The following AKAP6 variants were observed in gnomAD, a reference collection of about 807,000 sequenced individuals.
AKAP6 encodes A-kinase anchoring protein 6, also known as A-kinase anchor protein 6.
AKAP6 carries 58 observed loss-of-function variants against 188.5 expected under a neutral mutation model. That is an observed-to-expected ratio of 0.31 (90% CI 0.25 to 0.38). AKAP6 has a LOEUF of 0.38. AKAP6 is among the 10% of genes least tolerant of loss of function. The probability of loss-of-function intolerance (pLI) is 1.00; values close to 1 mark genes in which losing one functional copy is unlikely to be tolerated. For synonymous variants in AKAP6, 989 were observed against 998.6 expected, an observed-to-expected ratio of 0.99 and a Z score of 0.18; for missense variants, 2,710 against 2,740.0, an observed-to-expected ratio of 0.99 and a Z score of 0.24.
At chr14:32,349,580 C>T (rs927668025) in intron 1 of AKAP6, among the ~76,000 whole-genome samples, 5 of 152,136 alleles carry the variant, frequency 3.3e-5, no homozygotes, top group African/African-American at 1.2e-4. Context: ...CTGGAAATTC[C>T]AAATTTATTA....
In AKAP6 at chr14:32,599,480, T is replaced by G. The variant is rs763975258; in HGVS notation, c.2540T>G (p.Leu847Arg). ...EAVEEEGHQLLELIASHKAGL... is the reference protein window; with the variant it reads ...EAVEEEGHQLRELIASHKAGL... ...GTGGAGGAGGAAGGACACCAACTTC[T>G]TGAGCTTATTGCATCTCACAAAGCA... Residue 847 changes from leucine (L) to arginine (R), a missense_variant, in exon 6 of 14, where the codon CTT becomes CGT. Leu to Arg is a moderately radical substitution (Grantham distance 102, BLOSUM62 -2). Transcript: ENST00000280979. 6.2e-7 allele frequency: 1 copy of G among 1,613,280 alleles called. No homozygotes were observed. The highest frequency in any genetic ancestry group is 8.5e-7 in the Non-Finnish European group (1 of 1,179,556).
Position 32,824,252 on chromosome 14 carries a change from G to C in AKAP6, c.6439G>C (p.Asp2147His), listed in dbSNP as rs1323728411. 1 of 1,613,962 alleles carries C rather than the reference G, an allele frequency of 6.2e-7. No individual in the cohort carries two copies. Among genetic ancestry groups the C allele is most frequent in the Admixed American group, 1.7e-5 (1 of 59,912 alleles). Residue 2147 changes from aspartate to histidine, a missense_variant, in exon 13 of 14, where the codon GAT becomes CAT. Transcript: ENST00000280979. ...LPLDTTDSGL[D>H]DKEDIECFFE... ...ACTAGACACCACTGACTCGGGCTTA[G>C]ATGACAAGGAAGATATTGAATGCTT...
intron 11 of AKAP6, among the ~76,000 whole-genome samples, chr14:32,750,144 A>C (rs752221264): frequency 1.3e-5 from 2 of 152,016 alleles, no homozygotes; most frequent in Non-Finnish European, 2.9e-5. Context: ...TAGTTTAAAT[A>C]TTTTGCTACA....
chr14:32,652,139 T>C (rs1888257495), intron 7 of AKAP6, among the ~76,000 whole-genome samples: 1 of 152,216 alleles, frequency 6.6e-6, no homozygotes, highest in South Asian at 2.1e-4. Context: ...TTTTATATAC[T>C]GTTGTCACCT....
At chr14:32,499,577 G>A (rs1403267781) in intron 2 of AKAP6, among the ~76,000 whole-genome samples, 4 of 151,824 alleles carry the variant, frequency 2.6e-5, no homozygotes, top group African/African-American at 9.7e-5. Flanking sequence ...ATAATACAAA[G>A]CAGTGTTATT....
At chr14:32,429,736 T>C (rs1210941518) in intron 1 of AKAP6, among the ~76,000 whole-genome samples, 2 of 152,228 alleles carry the variant, frequency 1.3e-5, no homozygotes, top group Non-Finnish European at 2.9e-5. Flanking sequence ...CTATGGGTTA[T>C]AGAAATTCTC....
intron 1 of AKAP6, among the ~76,000 whole-genome samples, chr14:32,362,521 A>C (rs371376439): frequency 1.3e-5 from 2 of 152,316 alleles, no homozygotes; most frequent in South Asian, 4.1e-4. Context: ...GTGTGTGTGC[A>C]TGCTTGTATG....
At chr14:32,426,557 CTCTG>C (rs1890037445) in intron 1 of AKAP6, among the ~76,000 whole-genome samples, 1 of 152,134 alleles carries the variant, frequency 6.6e-6, no homozygotes, top group Non-Finnish European at 1.5e-5. Flanking sequence ...CAAATCCAGT[CTCTG>C]TCATGACAAT....
chr14:32,635,109 G>C (rs912528831), intron 7 of AKAP6, among the ~76,000 whole-genome samples: 2 of 151,858 alleles, frequency 1.3e-5, no homozygotes, highest in Non-Finnish European at 2.9e-5. Context: ...GTTCTGCCAA[G>C]GTCAAGTTGT....
chr14:32,372,201 T>G (rs367596108), intron 1 of AKAP6, among the ~76,000 whole-genome samples: 1 of 152,202 alleles, frequency 6.6e-6, no homozygotes, highest in Non-Finnish European at 1.5e-5. Flanking sequence ...TGGGGAAGAC[T>G]TGTTATGCAA....
chr14:32,332,909 G>A (rs943181821), intron 1 of AKAP6, among the ~76,000 whole-genome samples: 1 of 152,098 alleles, frequency 6.6e-6, no homozygotes, highest in Non-Finnish European at 1.5e-5. Flanking sequence ...AGCTGATATA[G>A]TCATTTCTGT....
At chr14:32,598,153 G>T (rs17506736) in intron 5 of AKAP6, among the ~76,000 whole-genome samples, 5 of 152,086 alleles carry the variant, frequency 3.3e-5, no homozygotes, top group African/African-American at 9.7e-5. Flanking sequence ...CTTCTTTAAC[G>T]CAAAATTATA....
At chr14:32,378,626 A>C (rs561947246) in intron 1 of AKAP6, among the ~76,000 whole-genome samples, 171 of 152,364 alleles carry the variant, frequency 1.1e-3, no homozygotes, top group Middle Eastern at 3.4e-3. Flanking sequence ...TGCATGATCT[A>C]TTAGGCTGCA....
intron 4 of AKAP6, among the ~76,000 whole-genome samples, chr14:32,560,239 A>G (rs1218420014): frequency 6.6e-6 from 1 of 152,168 alleles, no homozygotes; most frequent in Non-Finnish European, 1.5e-5. Flanking sequence ...TGTATATTTT[A>G]TTTGTTGCAA....
At chr14:32,448,660 G>C (rs150296646) in intron 2 of AKAP6, among the ~76,000 whole-genome samples, 3 of 152,120 alleles carry the variant, frequency 2.0e-5, no homozygotes, top group African/African-American at 7.2e-5. Context: ...ACTATAAACT[G>C]TCTTCTCAAG....
In AKAP6 at chr14:32,822,793, A is replaced by AAGC; in HGVS notation, c.4983_4985dup (p.Ser1663dup). On this transcript the variant is annotated inframe_insertion, in exon 13 of 14. Transcript: ENST00000280979. Reference sequence around the variant, plus strand: ...GAAGTGTTTCTGATATCACTCTTCAAAGCAGTTCCCAAAAGATGTCCTTTA... The same window carrying AAGC: ...GAAGTGTTTCTGATATCACTCTTCAAAGCAGCAGTTCCCAAAAGATGTCCTTTA... 1 of 1,613,950 alleles carries AAGC rather than the reference A, an allele frequency of 6.2e-7. No individual in the cohort carries two copies. The highest frequency in any genetic ancestry group is 8.5e-7 in the Non-Finnish European group (1 of 1,179,924).
At chr14:32,407,639 T>C (rs1447785728) in intron 1 of AKAP6, among the ~76,000 whole-genome samples, 1 of 152,212 alleles carries the variant, frequency 6.6e-6, no homozygotes, top group Non-Finnish European at 1.5e-5. Context: ...CGCTTCCTGA[T>C]CTATCTCTCC....
chr14:32,762,253 A>G (rs943473135), intron 11 of AKAP6, among the ~76,000 whole-genome samples: 2 of 152,144 alleles, frequency 1.3e-5, no homozygotes, highest in Admixed American at 6.5e-5. Context: ...AGACTCTGTA[A>G]TAGATACCAG....
At chr14:32,487,966 G>T (rs2138931423) in intron 2 of AKAP6, among the ~76,000 whole-genome samples, 1 of 152,298 alleles carries the variant, frequency 6.6e-6, no homozygotes, top group Admixed American at 6.5e-5. Flanking sequence ...TCCTGTATGA[G>T]GTGTCTCTCG....
Sources: allele counts gnomAD v4.1 joint callset (sites outside exome capture counted in the v4.1 genomes callset), GRCh38; gene constraint gnomAD v4.1.1; transcripts MANE v1.5; gene names NCBI Gene and HGNC (gene_info 2026-07-23, HGNC 2026-07-21).